The following LMNTD2 variants were observed in gnomAD, a reference collection of about 807,000 sequenced individuals.
LMNTD2 encodes the protein lamin tail domain containing 2, also known as lamin tail domain-containing protein 2.
In LMNTD2, 83 loss-of-function variants were observed where a neutral mutation model predicts 70.1. The ratio of observed to expected loss-of-function variants is 1.18; its 90% CI spans 0.99 to 1.42. LMNTD2 has a LOEUF of 1.42. Ranked by LOEUF, LMNTD2 falls within the 40% of genes most tolerant of loss-of-function variation. LMNTD2 has a pLI of 0.00. For synonymous variants in LMNTD2, 534 were observed against 406.1 expected (o/e 1.31, Z -3.79); for missense variants, 1,153 against 905.9 (o/e 1.27, Z -3.50).
chr11:558,405 G>A, intron 3 of LMNTD2, 157 bp from the exon 4 acceptor site: 2 of 1,075,702 alleles, frequency 1.9e-6, no homozygotes, highest in Non-Finnish European at 2.6e-6. Context: ...GCCTCCGGCT[G>A]GTCTGGACAA....
At chr11:556,151 G>A (rs1464529713) in intron 10 of LMNTD2, 36 bp from the exon 11 acceptor site, 3 of 1,315,228 alleles carry the variant, frequency 2.3e-6, no homozygotes, top group African/African-American at 1.5e-5. Flanking sequence ...AGGGGCGGCC[G>A]GGCCGGGCCG....
At position 555,417 on chromosome 11, in the gene LMNTD2, G is replaced by A. The variant is rs760816828; in HGVS notation, c.1661C>T (p.Pro554Leu). 1 of 1,400,434 alleles carries A rather than the reference G, an allele frequency of 7.1e-7. No homozygotes were observed. The highest frequency in any genetic ancestry group is 1.6e-5 in the South Asian group (1 of 61,346). The allele number at this position is 1,400,434 out of a possible 1,614,324, so 86.8% of individuals were successfully genotyped here. The change falls in exon 13 of 14, where the codon CCC (proline) becomes CTC (leucine). Residue 554 changes from proline to leucine, a missense_variant. Physicochemically the swap from Pro to Leu is moderately conservative, Grantham distance 98. Transcript: ENST00000329451. ...GPARPENPEIPAPQHLPAIPG... is the reference protein window; with the variant it reads ...GPARPENPEILAPQHLPAIPG... ...GATGGCGGGCAGGTGCTGCGGCGCGGGGATCTCGGGGTTCTCGGGCCGCGC... is the reference window on the plus strand; with the variant it reads ...GATGGCGGGCAGGTGCTGCGGCGCGAGGATCTCGGGGTTCTCGGGCCGCGC...
At chr11:559,460 C>G in intron 1 of LMNTD2, 3 of 1,303,430 alleles carry the variant, frequency 2.3e-6, no homozygotes, top group Non-Finnish European at 3.0e-6. Context: ...CAGGGAGACC[C>G]CAGACCAGGC....
rs74045019 is a variant in LMNTD2 at position 556,939 on chromosome 11, C to T, written c.872G>A (p.Gly291Asp). ...TATCACCTGCACGAAGGAAGGCAGG[C>T]CCGGCCGGCAGCTGCTGGAGTCGGA... is the stretch of plus-strand genomic sequence containing the variant. ...ADSDSSSCRPGLPSFVQVIGH... is the reference protein window; with the variant it reads ...ADSDSSSCRPDLPSFVQVIGH... The change falls in exon 8 of 14, where the codon GGC (glycine) becomes GAC (aspartate). Residue 291 changes from glycine (G) to aspartate (D), a missense_variant. By Grantham distance (94) the Gly-to-Asp change is moderately conservative. Coordinates refer to ENST00000329451, the MANE Select transcript of LMNTD2 (RefSeq NM_173573.3). The T allele has an allele frequency of 2.7e-3, 4,269 of 1,600,426 alleles. 102 individuals carry two copies. In the African/African-American group the frequency reaches 0.049, roughly 18 times the overall value.
At chr11:557,311 T>A (rs1441762830) in intron 7 of LMNTD2, 88 bp downstream of exon 7, 4 of 1,464,738 alleles carry the variant, frequency 2.7e-6, no homozygotes, top group Non-Finnish European at 3.7e-6. Context: ...CCAGGGACAC[T>A]AAATGGTCCT....
At position 555,056 on chromosome 11, in the gene LMNTD2, T is replaced by C. The variant is rs763590444; in HGVS notation, c.1829A>G (p.Asn610Ser). The C allele has an allele frequency of 1.9e-6, 3 of 1,587,522 alleles. No individual in the cohort carries two copies. In the South Asian group the frequency reaches 3.4e-5, roughly 18 times the overall value. Residue 610 changes from asparagine to serine, a missense_variant, in exon 14 of 14, where the codon AAC becomes AGC. By Grantham distance (46) the Asn-to-Ser change is conservative. Transcript: ENST00000329451. The part of the protein sequence containing the change: ...SCPLVALSVQ[N>S]TAESRFGFRF... ...GAAGCCGAATCTGCTCTCCGCCGTG[T>C]TCTGCACCGACAGGGCCACCAGGGG...
Position 556,067 on chromosome 11 carries a change from A to C in LMNTD2, c.1306T>G (p.Ser436Ala), listed in dbSNP as rs2134093854. ...AGGAGGGGAACGGGCTCCCGGCTCG[A>C]GGACGCGCGCAGCGGCTTCTTGGCG... is the stretch of plus-strand genomic sequence containing the variant. ...RSAKKPLRAS[S>A]SREPVPLLSI... is the part of the protein sequence containing the mutation. The change falls in exon 11 of 14, where the codon TCG becomes GCG. Residue 436 changes from serine to alanine, a missense_variant. By Grantham distance (99) the Ser-to-Ala change is moderately conservative (BLOSUM62 1). Transcript: ENST00000329451. 1 of 1,545,790 alleles carries C rather than the reference A, an allele frequency of 6.5e-7. No individual in the cohort carries two copies. Among genetic ancestry groups the C allele is most frequent in the African/African-American group, 1.4e-5 (1 of 70,340 alleles).
intron 1 of LMNTD2, chr11:560,174 G>A (rs976720452): frequency 7.1e-6 from 3 of 421,896 alleles, no homozygotes; most frequent in South Asian, 9.7e-5. Context: ...CAGGAGACAG[G>A]CGGGCAGGAG....
intron 3 of LMNTD2, 123 bp from the exon 4 acceptor site, chr11:558,371 G>A (rs1201686410): frequency 8.4e-7 from 1 of 1,190,154 alleles, no homozygotes; most frequent in East Asian, 2.5e-5. Flanking sequence ...AGGGCACACA[G>A]TACAGCCCCG....
intron 1 of LMNTD2, chr11:559,646 G>C: frequency 8.5e-7 from 1 of 1,180,080 alleles, no homozygotes; most frequent in Non-Finnish European, 1.1e-6. Flanking sequence ...CTGTGAGCCA[G>C]CCCAGCATAG....
rs1236580251 is a variant in LMNTD2 at position 560,705 on chromosome 11, C to G, written c.12G>C (p.Leu4=). 1 of 1,441,784 alleles carries G rather than the reference C, an allele frequency of 6.9e-7. No individual in the cohort carries two copies. Among genetic ancestry groups the G allele is most frequent in the South Asian group, 1.4e-5 (1 of 73,402 alleles). 89.3% of individuals were successfully genotyped at this position (1,441,784 alleles called of 1,614,324 possible). A position where few individuals can be genotyped will look rare whatever the true frequency, so the allele number is the denominator to read the frequency against. Residue 4 remains leucine (L), a synonymous_variant, in exon 1 of 14, where the codon CTG becomes CTC. Coordinates refer to ENST00000329451, the MANE Select transcript of LMNTD2 (RefSeq NM_173573.3). MRW[L]RPAGRRREQE... is the part of the protein sequence containing the mutation. ...TACCCCGACGCCTGCCCGCGGGCCGCAGCCACCGCATTTCCGCGTTTTTCG... is the reference window on the plus strand; with the variant it reads ...TACCCCGACGCCTGCCCGCGGGCCGGAGCCACCGCATTTCCGCGTTTTTCG...
In LMNTD2 at chr11:556,501, A is replaced by T; in HGVS notation, c.1064T>A (p.Leu355His). The T allele has an allele frequency of 6.4e-7, 1 of 1,551,992 alleles. No individual in the cohort carries two copies. The highest frequency in any genetic ancestry group is 8.7e-7 in the Non-Finnish European group (1 of 1,147,748). ...GTCACTCGCCCCTTACCTCTGCAGG[A>T]GTTCCGGGCTCCAGTGGTCCGGGTC... is the stretch of plus-strand genomic sequence containing the variant. ...CTDPDHWSPE[L>H]LQSPTGLKIV... Residue 355 changes from leucine (L) to histidine (H), a missense_variant, in exon 9 of 14, where the codon CTC becomes CAC. Leu to His is a moderately conservative substitution (Grantham distance 99, BLOSUM62 -3). Coordinates refer to ENST00000329451, the MANE Select transcript of LMNTD2 (RefSeq NM_173573.3).
chr11:556,785 G>A (rs11246185), intron 8 of LMNTD2, 50 bp downstream of exon 8: 5 of 1,498,234 alleles, frequency 3.3e-6, no homozygotes, highest in Admixed American at 2.1e-5. Flanking sequence ...CAGCTCTGAG[G>A]GGGTGGAGGG....
At position 557,359 on chromosome 11, in the gene LMNTD2, C is replaced by T. The variant is rs372445124; in HGVS notation, c.713+40G>A. On this transcript the variant is annotated intron_variant, in intron 7 of 13. Coordinates refer to ENST00000329451, the MANE Select transcript of LMNTD2 (RefSeq NM_173573.3). Reference sequence around the variant, plus strand: ...GTCTTCACTTGCCAAGGTGAGCCCTCCCTTCTGGCCCCTGGGGAGTCCCTG... The same window carrying T: ...GTCTTCACTTGCCAAGGTGAGCCCTTCCTTCTGGCCCCTGGGGAGTCCCTG... 6 of 1,557,540 alleles carry T rather than the reference C, an allele frequency of 3.9e-6. No homozygotes were observed. The African/African-American group carries it at 5.4e-5, about 14-fold the overall frequency.
At position 558,501 on chromosome 11, in the gene LMNTD2, C is replaced by T. The variant is rs956780604; in HGVS notation, c.311+113G>A. On this transcript the variant is annotated intron_variant, in intron 3 of 13. Coordinates refer to ENST00000329451, the MANE Select transcript of LMNTD2 (RefSeq NM_173573.3). ...GATCAGGGTGGAGGGTCAGCGCGGG[C>T]AAGGATGAGGGTAAGGATCTGCCTC... 9 of 1,359,776 alleles carry T rather than the reference C, an allele frequency of 6.6e-6. No homozygotes were observed. In the African/African-American group the frequency reaches 1.3e-4, roughly 20 times the overall value. The allele number at this position is 1,359,776 out of a possible 1,614,324, so 84.2% of individuals were successfully genotyped here.
At position 556,354 on chromosome 11, in the gene LMNTD2, C is replaced by G. The variant is rs1320241775; in HGVS notation, c.1095G>C (p.Val365=). Residue 365 remains valine (V), a synonymous_variant, in exon 10 of 14, where the codon GTG becomes GTC. Transcript: ENST00000329451. ...CGAACTTCTCCCGGCAGCTCACAGC[C>G]ACGATCTTCAGGCCTGTCGGGCTGG... The part of the protein sequence containing the change: ...LLQSPTGLKI[V]AVSCREKFVR... 2 of 1,536,050 alleles carry G rather than the reference C, an allele frequency of 1.3e-6. No individual in the cohort carries two copies. Among genetic ancestry groups the G allele is most frequent in the Admixed American group, 3.9e-5 (2 of 50,854 alleles).
At chr11:556,450 G>T in intron 9 of LMNTD2, 42 bp downstream of exon 9, 2 of 1,548,194 alleles carry the variant, frequency 1.3e-6, no homozygotes, top group East Asian at 2.4e-5. Flanking sequence ...CCGGAAACCA[G>T]CTCCAGTCCG....
At position 560,697 on chromosome 11, in the gene LMNTD2, G is replaced by C; in HGVS notation, c.20C>G (p.Ala7Gly). MRWLRP[A>G]GRRREQESVS... ...CAGACACCTACCCCGACGCCTGCCC[G>C]CGGGCCGCAGCCACCGCATTTCCGC... The change falls in exon 1 of 14, where the codon GCG becomes GGG. Residue 7 changes from alanine to glycine, a missense_variant. Physicochemically the swap from Ala to Gly is moderately conservative, Grantham distance 60. Coordinates refer to ENST00000329451, the MANE Select transcript of LMNTD2 (RefSeq NM_173573.3). 2.1e-6 allele frequency: 3 copies of C among 1,441,924 alleles called. No homozygotes were observed. The highest frequency in any genetic ancestry group is 1.8e-6 in the Non-Finnish European group (2 of 1,090,224). 89.3% of individuals were successfully genotyped at this position (1,441,924 alleles called of 1,614,324 possible). A position where few individuals can be genotyped will look rare whatever the true frequency, so the allele number is the denominator to read the frequency against.
At position 556,329 on chromosome 11, in the gene LMNTD2, C is replaced by G. The variant is rs761953993; in HGVS notation, c.1120G>C (p.Val374Leu). Residue 374 changes from valine to leucine, a missense_variant, in exon 10 of 14, where the codon GTC becomes CTC. Val to Leu is a conservative substitution (Grantham distance 32, BLOSUM62 1). Coordinates refer to ENST00000329451, the MANE Select transcript of LMNTD2 (RefSeq NM_173573.3). The part of the protein sequence containing the change: ...IVAVSCREKF[V>L]RIFNPSQEST... ...TCCTGCGACGGGTTGAAGATGCGGACGAACTTCTCCCGGCAGCTCACAGCC... is the reference window on the plus strand; with the variant it reads ...TCCTGCGACGGGTTGAAGATGCGGAGGAACTTCTCCCGGCAGCTCACAGCC... 2 of 1,535,738 alleles carry G rather than the reference C, an allele frequency of 1.3e-6. No homozygotes were observed. The highest frequency in any genetic ancestry group is 1.7e-4 in the Middle Eastern group (1 of 5,938).
Sources: allele counts gnomAD v4.1 joint callset, GRCh38; gene constraint gnomAD v4.1.1; transcripts MANE v1.5; gene names NCBI Gene and HGNC (gene_info 2026-07-23, HGNC 2026-07-21).